Variants in FYN observed in about 807,000 individuals in gnomAD.
FYN encodes the protein tyrosine-protein kinase Fyn.
In FYN, 10 loss-of-function variants were observed where a neutral mutation model predicts 70.2. The ratio of observed to expected loss-of-function variants is 0.14; its 90% confidence interval spans 0.09 to 0.24. FYN has a LOEUF of 0.24. Among genes scored for constraint, FYN ranks in the 10% least tolerant of loss-of-function variants. The pLI is 1.00. For synonymous variants in FYN, 236 were observed against 248.6 expected, an observed-to-expected ratio of 0.95 and a Z score of 0.48; for missense variants, 319 against 673.1, an observed-to-expected ratio of 0.47 and a Z score of 5.82.
At chr6:111,805,932 C>T (rs542779458) in intron 2 of FYN, among the ~76,000 whole-genome samples, 2 of 152,286 alleles carry the variant, frequency 1.3e-5, no homozygotes, top group East Asian at 1.9e-4. Flanking sequence ...GTTCCTCCAG[C>T]GTGTTTCTGC....
intron 3 of FYN, among the ~76,000 whole-genome samples, chr6:111,739,941 A>G (rs963352674): frequency 6.6e-6 from 1 of 152,128 alleles, no homozygotes; most frequent in Admixed American, 6.5e-5. Flanking sequence ...CTCCTGCCTC[A>G]GCCTCCCCAG....
At chr6:111,749,420 T>C (rs1000777392) in intron 3 of FYN, among the ~76,000 whole-genome samples, 3 of 152,210 alleles carry the variant, frequency 2.0e-5, no homozygotes, top group Non-Finnish European at 4.4e-5. Context: ...CAAGATTATA[T>C]TAGTAATTGG....
At chr6:111,704,217 T>G (rs1799964791) in intron 6 of FYN, 115 bp from the exon 7 acceptor site, 1 of 719,532 alleles carries the variant, frequency 1.4e-6, no homozygotes, top group Non-Finnish European at 2.3e-6. Flanking sequence ...GTCCTTAACC[T>G]TTCCCTGGAT....
intron 3 of FYN, among the ~76,000 whole-genome samples, chr6:111,732,509 G>A (rs2128472131): frequency 6.6e-6 from 1 of 152,306 alleles, no homozygotes; most frequent in East Asian, 1.9e-4. Flanking sequence ...GTGAAGGCAG[G>A]TGAAGGGTGT....
intron 1 of FYN, 93 bp from the exon 2 acceptor site, chr6:111,846,722 C>T: frequency 2.5e-6 from 1 of 398,012 alleles, no homozygotes. Context: ...ATAGAATTTC[C>T]ATTTGTTGCA....
intron 2 of FYN, among the ~76,000 whole-genome samples, chr6:111,790,023 T>C (rs1192889096): frequency 1.3e-5 from 2 of 152,062 alleles, no homozygotes; most frequent in Admixed American, 1.3e-4. Flanking sequence ...TCCCAGAACC[T>C]TGGGGCTGAA....
intron 1 of FYN, among the ~76,000 whole-genome samples, chr6:111,859,370 C>T (rs917301947): frequency 3.9e-5 from 6 of 152,272 alleles, no homozygotes; most frequent in South Asian, 2.1e-4. Flanking sequence ...TATAAACATA[C>T]GTGCAAATTC....
chr6:111,687,170 T>C (rs1248977856), intron 12 of FYN, among the ~76,000 whole-genome samples: 1 of 152,258 alleles, frequency 6.6e-6, no homozygotes, highest in Non-Finnish European at 1.5e-5. Flanking sequence ...TGTTAATTTA[T>C]GCGGTAACAA....
At chr6:111,769,915 C>G (rs1163011177) in intron 3 of FYN, among the ~76,000 whole-genome samples, 4 of 151,970 alleles carry the variant, frequency 2.6e-5, no homozygotes, top group Non-Finnish European at 5.9e-5. Flanking sequence ...GCAGTTATGA[C>G]CAAACCAAGC....
chr6:111,762,015 T>C (rs886140399), intron 3 of FYN, among the ~76,000 whole-genome samples: 7 of 152,172 alleles, frequency 4.6e-5, no homozygotes, highest in Non-Finnish European at 7.3e-5. Context: ...AAATTGGTTA[T>C]GCCCTTCCGT....
chr6:111,691,612 G>C (rs552529250), intron 12 of FYN, among the ~76,000 whole-genome samples: 1 of 152,306 alleles, frequency 6.6e-6, no homozygotes, highest in East Asian at 1.9e-4. Context: ...TCGTAAAGCA[G>C]CCAGGGCAGG....
At chr6:111,855,616 G>A (rs1242107844) in intron 1 of FYN, among the ~76,000 whole-genome samples, 3 of 152,076 alleles carry the variant, frequency 2.0e-5, no homozygotes, top group East Asian at 1.9e-4. Context: ...TTTTGTCCCC[G>A]TCATCATCAA....
At chr6:111,712,716 G>T (rs1193373605) in intron 5 of FYN, among the ~76,000 whole-genome samples, 3 of 152,200 alleles carry the variant, frequency 2.0e-5, no homozygotes, top group Non-Finnish European at 4.4e-5. Context: ...AGCCTTCAAT[G>T]AATGGTAGCT....
chr6:111,807,797 T>A (rs1772196420), intron 2 of FYN, among the ~76,000 whole-genome samples: 1 of 152,134 alleles, frequency 6.6e-6, no homozygotes, highest in African/African-American at 2.4e-5. Flanking sequence ...CACACTGGTA[T>A]AGAACACCCT....
chr6:111,738,867 T>G (rs1801821894), intron 3 of FYN, among the ~76,000 whole-genome samples: 1 of 152,172 alleles, frequency 6.6e-6, no homozygotes, highest in African/African-American at 2.4e-5. Context: ...GAAAGTAGAA[T>G]AAAGAACTTC....
intron 3 of FYN, chr6:111,759,062 C>G (rs1309395712): frequency 6.5e-6 from 1 of 152,732 alleles, no homozygotes; most frequent in Non-Finnish European, 1.5e-5. Flanking sequence ...CCTCCCTTCT[C>G]AGCTCCTCAG....
intron 1 of FYN, among the ~76,000 whole-genome samples, chr6:111,867,637 G>T (rs1213226384): frequency 1.3e-5 from 2 of 151,766 alleles, no homozygotes; most frequent in East Asian, 3.9e-4. Flanking sequence ...ATTTCCCAGA[G>T]AAATTCTTTT....
intron 9 of FYN, 194 bp downstream of exon 9, chr6:111,699,910 T>C (rs1799752569): frequency 3.4e-6 from 2 of 581,084 alleles, no homozygotes; most frequent in Admixed American, 7.2e-5. Context: ...GCCCACTTAC[T>C]ATCTTTTTTT....
At chr6:111,855,684 C>T (rs78853652) in intron 1 of FYN, among the ~76,000 whole-genome samples, 1,925 of 152,214 alleles carry the variant, frequency 0.013, 43 homozygotes, top group South Asian at 0.061. Context: ...CGTGCCATAA[C>T]GGTATCATAG....
Sources: allele counts gnomAD v4.1 joint callset (sites outside exome capture counted in the v4.1 genomes callset), GRCh38; gene constraint gnomAD v4.1.1; transcripts MANE v1.5; gene names NCBI Gene and HGNC (gene_info 2026-07-23, HGNC 2026-07-21).